POU2F3: variants seen among roughly 807,000 people sequenced by gnomAD.
POU2F3 encodes the protein POU class 2 homeobox 3, also known as POU domain, class 2, transcription factor 3.
Under a neutral mutation model 59.2 loss-of-function variants are expected in POU2F3, and 23 were observed. The observed-to-expected ratio is 0.39, with a 90% CI of 0.28 to 0.55. The LOEUF is 0.55. POU2F3 is among the 20% of genes least tolerant of loss of function. The pLI is 0.66. For missense variants in POU2F3, 473 were observed against 544.5 expected (o/e 0.87, Z 1.31); for synonymous variants, 190 against 214.6 (o/e 0.89, Z 1.00).
At chr11:120,303,789 G>A (rs1287524162) in intron 6 of POU2F3, 3 of 152,166 alleles carry the variant, frequency 2.0e-5, no homozygotes, top group Non-Finnish European at 4.4e-5. Context: ...ATACCTATCT[G>A]AATGGTAAAC....
chr11:120,318,060 C>G (rs1941834279), intron 12 of POU2F3, among the ~76,000 whole-genome samples: 1 of 152,180 alleles, frequency 6.6e-6, no homozygotes, highest in Non-Finnish European at 1.5e-5. Flanking sequence ...GTTGGCGCTC[C>G]TCACCTACCC....
intron 7 of POU2F3, 23 bp downstream of exon 7, chr11:120,305,235 A>G (rs781550713): frequency 4.2e-5 from 68 of 1,607,234 alleles, no homozygotes; most frequent in Non-Finnish European, 5.4e-5. Context: ...GGGAAAAGAT[A>G]GAAGAAGTCT....
At chr11:120,286,871 C>T (rs1205487098) in intron 3 of POU2F3, among the ~76,000 whole-genome samples, 2 of 151,946 alleles carry the variant, frequency 1.3e-5, no homozygotes, top group Non-Finnish European at 2.9e-5. Flanking sequence ...GCTGGCCCTG[C>T]TCCTCATGCA....
In POU2F3 at chr11:120,309,413, C is replaced by T. The variant is rs1030505704; in HGVS notation, c.907-12C>T. ...TTCTCTTGGCCATACTCTGTCCTTTCGGTGCCTATAGAACCCAAAACCCAG... is the reference window on the plus strand; with the variant it reads ...TTCTCTTGGCCATACTCTGTCCTTTTGGTGCCTATAGAACCCAAAACCCAG... On this transcript the variant is annotated splice_polypyrimidine_tract_variant and intron_variant, in intron 9 of 12. Transcript: ENST00000543440. 1.1e-5 allele frequency: 18 copies of T among 1,606,324 alleles called. No individual in the cohort carries two copies. The highest frequency in any genetic ancestry group is 4.5e-5 in the East Asian group (2 of 44,818).
chr11:120,301,120 C>T (rs1397974704), intron 5 of POU2F3: 1 of 452,064 alleles, frequency 2.2e-6, no homozygotes, highest in Admixed American at 2.4e-5. Flanking sequence ...TGGAAAGACA[C>T]TTCCAAATTT....
At chr11:120,284,436 A>T (rs1269054239) in intron 3 of POU2F3, among the ~76,000 whole-genome samples, 1 of 152,092 alleles carries the variant, frequency 6.6e-6, no homozygotes, top group East Asian at 1.9e-4. Context: ...AGCTCTGGTA[A>T]ATATTGCCTA....
rs554507240 is a variant in POU2F3 at position 120,274,945 on chromosome 11, G to A, written c.132+5701G>A. ...GAAAACCAACAGCATCAGAGCATAC[G>A]GAGCAATACAGTAGAGTCTGAAGCC... On this transcript the variant is annotated intron_variant, in intron 3 of 12. Transcript: ENST00000543440. Among the ~76,000 whole-genome samples, 10 of 152,284 alleles carry A rather than the reference G, an allele frequency of 6.6e-5. No homozygotes were observed. The South Asian group carries it at 1.9e-3, about 28-fold the overall frequency.
chr11:120,240,042 G>C (rs903617900), upstream of POU2F3, among the ~76,000 whole-genome samples: 1 of 152,222 alleles, frequency 6.6e-6, no homozygotes, highest in African/African-American at 2.4e-5. Context: ...CTCCATGTAT[G>C]CAAATCACTG....
intron 3 of POU2F3, among the ~76,000 whole-genome samples, chr11:120,291,238 A>G (rs878970283): frequency 2.0e-5 from 3 of 152,230 alleles, no homozygotes; most frequent in Admixed American, 1.3e-4. Flanking sequence ...TACAATAGCC[A>G]GAGTAGGCAA....
chr11:120,239,764 A>C (rs1381548352), upstream of POU2F3, among the ~76,000 whole-genome samples: 1 of 152,058 alleles, frequency 6.6e-6, no homozygotes, highest in East Asian at 1.9e-4. Context: ...GAGATTCCAA[A>C]ACTGAATTCT....
chr11:120,289,699 C>A (rs553626098), intron 3 of POU2F3, among the ~76,000 whole-genome samples: 9 of 152,182 alleles, frequency 5.9e-5, no homozygotes, highest in Non-Finnish European at 8.8e-5. Context: ...CCTGGGATGG[C>A]TTTCTTTGCT....
intron 2 of POU2F3, among the ~76,000 whole-genome samples, chr11:120,251,926 C>G (rs1591376387): frequency 6.6e-6 from 1 of 151,330 alleles, no homozygotes; most frequent in Non-Finnish European, 1.5e-5. Context: ...TCCCGAATAG[C>G]TGGGATTATA....
chr11:120,282,230 A>G (rs968438814), intron 3 of POU2F3, among the ~76,000 whole-genome samples: 13 of 152,362 alleles, frequency 8.5e-5, no homozygotes, highest in South Asian at 2.1e-4. Flanking sequence ...GGTCTGGGCT[A>G]TGCACTCAGT....
intron 3 of POU2F3, among the ~76,000 whole-genome samples, chr11:120,272,460 G>T (rs1363425581): frequency 6.6e-6 from 1 of 152,194 alleles, no homozygotes; most frequent in East Asian, 1.9e-4. Flanking sequence ...GGTAGAAGGA[G>T]TAGGGAGGGG....
upstream of POU2F3, among the ~76,000 whole-genome samples, chr11:120,238,122 C>G (rs1282417638): frequency 1.3e-5 from 2 of 152,120 alleles, no homozygotes; most frequent in African/African-American, 2.4e-5. Flanking sequence ...TGCCTGTAAT[C>G]CCAGCTACTC....
At chr11:120,260,053 A>G (rs1221415960) in intron 2 of POU2F3, among the ~76,000 whole-genome samples, 2 of 152,226 alleles carry the variant, frequency 1.3e-5, no homozygotes, top group African/African-American at 2.4e-5. Context: ...TGTCACTAGA[A>G]GTCTTACTGG....
intron 6 of POU2F3, chr11:120,304,129 T>C (rs1297003579): frequency 6.6e-6 from 1 of 151,458 alleles, no homozygotes; most frequent in Non-Finnish European, 1.5e-5. Flanking sequence ...AGCCCAGGAG[T>C]TTGAGACCAG....
intron 2 of POU2F3, among the ~76,000 whole-genome samples, chr11:120,253,848 C>T (rs1020593389): frequency 1.3e-5 from 2 of 152,216 alleles, no homozygotes; most frequent in Admixed American, 1.3e-4. Flanking sequence ...CTGGGTACAT[C>T]TTCGTATGAC....
In POU2F3 at chr11:120,290,276, C is replaced by T. The variant is rs966020374; in HGVS notation, c.133-7989C>T. Among the ~76,000 whole-genome samples the T allele has an allele frequency of 4.0e-4, 61 of 152,202 alleles. 1 individual carries two copies. Among genetic ancestry groups the T allele is most frequent in the Non-Finnish European group, 1.0e-4 (7 of 68,036 alleles). On this transcript the variant is annotated intron_variant, in intron 3 of 12. Transcript: ENST00000543440. Reference sequence around the variant, plus strand: ...TTACTCAGGAAATGCCAAAGAGATTCCCATTCAGACCTGTTGAAAACTTCA... The same window carrying T: ...TTACTCAGGAAATGCCAAAGAGATTTCCATTCAGACCTGTTGAAAACTTCA...
Sources: allele counts gnomAD v4.1 joint callset (sites outside exome capture counted in the v4.1 genomes callset), GRCh38; gene constraint gnomAD v4.1.1; transcripts MANE v1.5; gene names NCBI Gene and HGNC (gene_info 2026-07-23, HGNC 2026-07-21).